Variants in RAB33A observed in about 807,000 individuals in gnomAD.
RAB33A encodes ras-related protein Rab-33A.
In RAB33A, 6 loss-of-function variants were observed where a neutral mutation model predicts 12.0. The observed-to-expected ratio is 0.50, with a 90% CI of 0.27 to 0.99. The LOEUF (loss-of-function observed/expected upper bound fraction) is 0.99. Among genes scored for constraint, RAB33A ranks in the 50% least tolerant of loss-of-function variants. The pLI is 0.11. For missense variants in RAB33A, 109 were observed against 192.0 expected, an observed-to-expected ratio of 0.57 and a Z score of 2.55; for synonymous variants, 70 against 82.4, an observed-to-expected ratio of 0.85 and a Z score of 0.81.
At chrX:130,122,027 G>A in the RAB33A span, among the ~76,000 whole-genome samples, 1 of 112,479 alleles carries the variant, frequency 8.9e-6, no homozygotes, top group Admixed American at 9.4e-5. Flanking sequence ...AGCAAGTCGA[G>A]CCGATCATCT....
the RAB33A span, among the ~76,000 whole-genome samples, chrX:130,122,865 G>C: frequency 8.9e-6 from 1 of 111,925 alleles, no homozygotes; most frequent in Non-Finnish European, 1.9e-5. Context: ...CAGTTTCGAG[G>C]CTGTGAAACT....
At chrX:130,170,586 A>G (rs999145019), upstream of RAB33A, among the ~76,000 whole-genome samples, 1 of 113,080 alleles carries the variant, frequency 8.8e-6, no homozygotes, top group Non-Finnish European at 1.9e-5. Flanking sequence ...GAGAAGGAAT[A>G]CTGGTCTTGA....
the RAB33A span, among the ~76,000 whole-genome samples, chrX:130,150,969 CTCTG>C: frequency 3.4e-5 from 1 of 29,243 alleles, no homozygotes; most frequent in Non-Finnish European, 5.4e-5. Flanking sequence ...TAGAGTGAGA[CTCTG>C]TCTCAAAAAA....
chrX:130,154,084 A>G, the RAB33A span, among the ~76,000 whole-genome samples: 170 of 112,778 alleles, frequency 1.5e-3, 2 homozygotes, highest in African/African-American at 5.0e-3. Flanking sequence ...TAACAGTTCA[A>G]TAACAGTTGT....
the RAB33A span, chrX:130,129,860 C>A: frequency 3.0e-6 from 3 of 986,560 alleles, no homozygotes; most frequent in East Asian, 3.1e-5. Flanking sequence ...TGCTCAGGCA[C>A]AATTTGACCT....
the RAB33A span, among the ~76,000 whole-genome samples, chrX:130,124,127 A>G: frequency 9.0e-6 from 1 of 111,544 alleles, no homozygotes; most frequent in Non-Finnish European, 1.9e-5. Context: ...TGGAGAAGCA[A>G]TGAAGTTCCA....
At chrX:130,136,651 C>T in the RAB33A span, 58 of 1,207,305 alleles carry the variant, frequency 4.8e-5, no homozygotes, top group Non-Finnish European at 6.2e-5. Context: ...ACCTTCCTGC[C>T]GTCTTTCAGC....
the RAB33A span, chrX:130,155,047 G>A: frequency 9.9e-7 from 1 of 1,008,684 alleles, no homozygotes; most frequent in East Asian, 3.1e-5. Context: ...AACACCTAGA[G>A]AAAGCACATG....
the RAB33A span, among the ~76,000 whole-genome samples, chrX:130,112,886 T>G: frequency 9.2e-6 from 1 of 109,206 alleles, no homozygotes; most frequent in Non-Finnish European, 1.9e-5. Flanking sequence ...ATAAATTAAA[T>G]AAATTAATTT....
chrX:130,129,477 G>T, the RAB33A span: 1 of 799,810 alleles, frequency 1.3e-6, no homozygotes, highest in South Asian at 2.0e-5. Context: ...GAGAAAGTCT[G>T]CTGAATAAAA....
chrX:130,184,627 C>T lies in RAB33A; in HGVS notation c.601C>T (p.Arg201Ter). Residue 201 changes from arginine to a stop codon, truncating the protein, a stop_gained, in exon 2 of 2, where the codon CGA becomes TGA. Coordinates refer to ENST00000257017, the MANE Select transcript of RAB33A (RefSeq NM_004794.3). LOFTEE classifies it high-confidence loss of function. Reference protein sequence around the residue: ...VESIFMCLACRLKAQKSLLYR... With the variant: ...VESIFMCLAC ...GTCGATTTTCATGTGCTTGGCTTGC[C>T]GATTGAAGGCCCAGAAATCCCTGCT... 2 of 1,211,548 alleles carry T rather than the reference C, an allele frequency of 1.7e-6. No homozygotes were observed. The highest frequency in any genetic ancestry group is 2.2e-6 in the Non-Finnish European group (2 of 895,472).
upstream of RAB33A, among the ~76,000 whole-genome samples, chrX:130,171,148 C>T (rs776615604): frequency 3.1e-4 from 35 of 113,507 alleles, no homozygotes; most frequent in African/African-American, 1.1e-3. Flanking sequence ...ACACCCCCTA[C>T]ACACGCACAC....
chrX:130,150,032 A>T, the RAB33A span, among the ~76,000 whole-genome samples: 7 of 111,384 alleles, frequency 6.3e-5, no homozygotes, highest in African/African-American at 2.3e-4. Context: ...GGCTTTTGCT[A>T]AGTACTCACA....
chrX:130,183,154 T>C (rs60895011), intron 1 of RAB33A, among the ~76,000 whole-genome samples: 57,017 of 106,699 alleles, frequency 0.53, 12,749 homozygotes, highest in African/African-American at 0.83. Context: ...ATGATCCACC[T>C]GCCTCAGCCT....
At chrX:130,127,707 T>TTTTTTTTGG in the RAB33A span, among the ~76,000 whole-genome samples, 1 of 98,639 alleles carries the variant, frequency 1.0e-5, no homozygotes, top group Admixed American at 1.1e-4. Flanking sequence ...TTTTTTTTTT[T>TTTTTTTTGG]GAGATGGAAT....
At chrX:130,123,079 T>C in the RAB33A span, among the ~76,000 whole-genome samples, 2 of 111,442 alleles carry the variant, frequency 1.8e-5, no homozygotes, top group Non-Finnish European at 3.8e-5. Flanking sequence ...TTGGGTTCCA[T>C]TGGCAGCCTC....
At chrX:130,182,765 T>A (rs186904570) in intron 1 of RAB33A, among the ~76,000 whole-genome samples, 1 of 110,284 alleles carries the variant, frequency 9.1e-6, no homozygotes, top group African/African-American at 3.3e-5. Flanking sequence ...AAAAAAAAAA[T>A]AAAAGAAAAG....
At chrX:130,183,468 T>C (rs1402707011) in intron 1 of RAB33A, among the ~76,000 whole-genome samples, 4 of 108,815 alleles carry the variant, frequency 3.7e-5, no homozygotes, top group Non-Finnish European at 7.6e-5. Flanking sequence ...GGCAGGAGAA[T>C]GGCGTGAACC....
the RAB33A span, among the ~76,000 whole-genome samples, chrX:130,112,218 C>A: frequency 8.9e-6 from 1 of 112,053 alleles, no homozygotes; most frequent in Non-Finnish European, 1.9e-5. Context: ...GAATCAAGTC[C>A]CCAAAACAAG....
Sources: allele counts gnomAD v4.1 joint callset (sites outside exome capture counted in the v4.1 genomes callset), GRCh38; gene constraint gnomAD v4.1.1; transcripts MANE v1.5; gene names NCBI Gene and HGNC (gene_info 2026-07-23, HGNC 2026-07-21).